PPFIA2: variants seen among roughly 807,000 people sequenced by gnomAD.
PPFIA2 encodes the protein PPFI scaffold protein A2.
A neutral mutation model predicts 175.5 loss-of-function variants in PPFIA2; 46 were observed. The observed-to-expected ratio is 0.26, with a 90% CI of 0.21 to 0.34. The LOEUF is 0.34. Among genes scored for constraint, PPFIA2 ranks in the 10% least tolerant of loss-of-function variants. The pLI is 1.00. For missense variants in PPFIA2, 1,179 were observed against 1,506.1 expected (o/e 0.78, Z 3.60); for synonymous variants, 568 against 511.4 (o/e 1.11, Z -1.49).
chr12:81,434,885 C>T (rs895298360), intron 7 of PPFIA2, among the ~76,000 whole-genome samples: 1 of 151,906 alleles, frequency 6.6e-6, no homozygotes, highest in Non-Finnish European at 1.5e-5. Context: ...GGTATATATA[C>T]TTGCAAACAA....
intron 4 of PPFIA2, among the ~76,000 whole-genome samples, chr12:81,493,243 C>T (rs1035629225): frequency 6.6e-6 from 1 of 151,988 alleles, no homozygotes; most frequent in African/African-American, 2.4e-5. Context: ...ATATAGAAGT[C>T]ATCATTTATA....
chr12:81,445,500 G>A, intron 6 of PPFIA2, 56 bp downstream of exon 6: 1 of 1,533,350 alleles, frequency 6.5e-7, no homozygotes, highest in Non-Finnish European at 8.9e-7. Flanking sequence ...AAGACAAAGA[G>A]CTTGATGCTG....
chr12:81,269,113 T>C (rs1401150229), intron 28 of PPFIA2, among the ~76,000 whole-genome samples: 1 of 152,160 alleles, frequency 6.6e-6, no homozygotes, highest in Non-Finnish European at 1.5e-5. Context: ...TTTCTTTTTT[T>C]TTAGATAAAA....
intron 5 of PPFIA2, among the ~76,000 whole-genome samples, chr12:81,446,798 C>T (rs1430793496): frequency 6.6e-6 from 1 of 152,086 alleles, no homozygotes; most frequent in Non-Finnish European, 1.5e-5. Context: ...AAAAGTTTAA[C>T]TGTAATGAAA....
chr12:81,716,360 T>C (rs1024789651), intron 3 of PPFIA2, among the ~76,000 whole-genome samples: 1 of 151,792 alleles, frequency 6.6e-6, no homozygotes. Flanking sequence ...AATTAGCCTA[T>C]ATAGGAAATA....
At position 81,676,863 on chromosome 12, in the gene PPFIA2, T is replaced by C; in HGVS notation, c.250-19A>G. On this transcript the variant is annotated intron_variant, in intron 3 of 32. Transcript: ENST00000549396. ...CGATATCCTGAAAAGGGGAGAGGTGTTGATTGTAAAGTGCTACTCAACAGC... is the reference window on the plus strand; with the variant it reads ...CGATATCCTGAAAAGGGGAGAGGTGCTGATTGTAAAGTGCTACTCAACAGC... 6.4e-7 allele frequency: 1 copy of C among 1,569,880 alleles called. No homozygotes were observed. The highest frequency in any genetic ancestry group is 8.6e-7 in the Non-Finnish European group (1 of 1,158,026).
intron 22 of PPFIA2, among the ~76,000 whole-genome samples, chr12:81,320,453 C>T (rs1333664149): frequency 6.6e-6 from 1 of 152,022 alleles, no homozygotes; most frequent in Non-Finnish European, 1.5e-5. Context: ...AATTTGTTCA[C>T]ATATGAAATC....
chr12:81,605,675 CTAT>C (rs1567544185), intron 4 of PPFIA2, among the ~76,000 whole-genome samples: 1 of 150,658 alleles, frequency 6.6e-6, no homozygotes, highest in African/African-American at 2.4e-5. Context: ...ATCTATCTAT[CTAT>C]CTATCTATCT....
chr12:81,368,355 C>T (rs1434765951), intron 13 of PPFIA2, among the ~76,000 whole-genome samples: 6 of 151,750 alleles, frequency 4.0e-5, no homozygotes, highest in South Asian at 2.1e-4. Context: ...TCACTTGACA[C>T]GTGAATATTT....
intron 23 of PPFIA2, among the ~76,000 whole-genome samples, chr12:81,297,414 A>T (rs545572644): frequency 2.7e-4 from 41 of 152,282 alleles, no homozygotes; most frequent in Non-Finnish European, 3.8e-4. Context: ...GAAAAAAAAA[A>T]TGCCAACAAC....
chr12:81,272,400 T>C (rs189442477), intron 28 of PPFIA2, among the ~76,000 whole-genome samples: 1 of 152,324 alleles, frequency 6.6e-6, no homozygotes, highest in Admixed American at 6.5e-5. Context: ...TTTCTTGTCA[T>C]ATGTGGGCTA....
At chr12:81,509,530 C>T (rs566521224) in intron 4 of PPFIA2, among the ~76,000 whole-genome samples, 1 of 151,994 alleles carries the variant, frequency 6.6e-6, no homozygotes, top group South Asian at 2.1e-4. Flanking sequence ...TCTCTGTCTT[C>T]TTCACCCATA....
At chr12:81,502,485 C>T (rs2400952) in intron 4 of PPFIA2, among the ~76,000 whole-genome samples, 46,017 of 151,984 alleles carry the variant, frequency 0.3, 7,376 homozygotes, top group African/African-American at 0.41. Flanking sequence ...TTGGTAGGTC[C>T]TAGTAATCAC....
chr12:81,486,926 T>C (rs187510633), intron 4 of PPFIA2, among the ~76,000 whole-genome samples: 27 of 152,040 alleles, frequency 1.8e-4, no homozygotes, highest in African/African-American at 6.0e-4. Context: ...ATCAACTCCA[T>C]CCCCTTCTTA....
intron 5 of PPFIA2, among the ~76,000 whole-genome samples, chr12:81,455,269 G>A (rs1207044034): frequency 6.6e-6 from 1 of 152,158 alleles, no homozygotes; most frequent in African/African-American, 2.4e-5. Context: ...TACTTCTGGG[G>A]GATGGAGGAG....
At chr12:81,554,473 C>T (rs918626428) in intron 4 of PPFIA2, among the ~76,000 whole-genome samples, 4 of 151,980 alleles carry the variant, frequency 2.6e-5, no homozygotes, top group Non-Finnish European at 2.9e-5. Flanking sequence ...TGTACCATGG[C>T]TTCTTCCAAT....
In PPFIA2 at chr12:81,449,488, C is replaced by CAAA. The variant is rs552912790; in HGVS notation, c.406-3771_406-3769dup. ...TTATGATATACAACATTACTTCAGA[C>CAAA]AAAAAAAAAAAAACAAAAAAAAATC... On this transcript the variant is annotated intron_variant, in intron 5 of 32. Transcript: ENST00000549396. 4.9e-3 allele frequency among the ~76,000 whole-genome samples: 457 copies of CAAA among 93,212 alleles called. 2 individuals carry two copies. Among genetic ancestry groups the CAAA allele is most frequent in the Admixed American group, 9.3e-3 (81 of 8,668 alleles). The allele number at this position is 93,212 out of a possible 152,430, so 61.2% of individuals were successfully genotyped here.
intron 21 of PPFIA2, among the ~76,000 whole-genome samples, chr12:81,337,876 T>C (rs1375622023): frequency 6.6e-6 from 1 of 152,180 alleles, no homozygotes; most frequent in Non-Finnish European, 1.5e-5. Flanking sequence ...GGCATGTATA[T>C]TTTAAACACA....
chr12:81,293,730 G>A (rs1316178365), intron 24 of PPFIA2, among the ~76,000 whole-genome samples: 1 of 152,010 alleles, frequency 6.6e-6, no homozygotes, highest in Non-Finnish European at 1.5e-5. Flanking sequence ...AAGACAGTAT[G>A]GAGATTTCTC....
Sources: gnomAD v4.1 joint callset for allele counts (sites outside exome capture counted in the v4.1 genomes callset) on GRCh38, gnomAD v4.1.1 for gene constraint, MANE v1.5 for transcripts, NCBI Gene and HGNC (gene_info 2026-07-23, HGNC 2026-07-21) for gene names.